The following DAB2 variants were observed in gnomAD, a reference collection of about 807,000 sequenced individuals.
The protein encoded by DAB2 is DAB adaptor protein 2, also known as disabled homolog 2.
DAB2 carries 28 observed loss-of-function variants against 71.6 expected under a neutral mutation model. The observed-to-expected ratio is 0.39, with a 90% CI of 0.29 to 0.54. The LOEUF is 0.54. DAB2 is among the 20% of genes least tolerant of loss of function. DAB2 has a pLI of 0.68. For missense variants in DAB2, 867 were observed against 928.8 expected (o/e 0.93, Z 0.86); for synonymous variants, 345 against 339.7 (o/e 1.02, Z -0.17).
intron 11 of DAB2, among the ~76,000 whole-genome samples, chr5:39,379,579 TTGAA>T (rs1754910619): frequency 6.6e-6 from 1 of 151,924 alleles, no homozygotes; most frequent in African/African-American, 2.4e-5. Context: ...ATTGAACACA[TTGAA>T]CACATTGACA....
chr5:39,381,683 G>T lies in DAB2; in HGVS notation c.1342-67C>A, dbSNP rs935268409. 4.4e-6 allele frequency: 7 copies of T among 1,578,258 alleles called. No homozygotes were observed. In the Admixed American group the frequency reaches 6.8e-5, roughly 15 times the overall value. On this transcript the variant is annotated intron_variant, in intron 10 of 14. Transcript: ENST00000320816. ...TAACAGTGAAATACAGCCTCATTTT[G>T]TCTCCTACCCTATACCCCAATTTGA...
At chr5:39,416,717 C>T (rs1434631576) in intron 1 of DAB2, among the ~76,000 whole-genome samples, 1 of 152,086 alleles carries the variant, frequency 6.6e-6, no homozygotes, top group African/African-American at 2.4e-5. Context: ...CCAGCCATTT[C>T]CTCACATTTG....
At chr5:39,393,818 T>C (rs62358412) in intron 2 of DAB2, among the ~76,000 whole-genome samples, 4,019 of 152,310 alleles carry the variant, frequency 0.026, 83 homozygotes, top group South Asian at 0.086. Flanking sequence ...ATGCCTAAGT[T>C]CTCTTGAAAA....
intron 1 of DAB2, among the ~76,000 whole-genome samples, chr5:39,414,028 T>G (rs906165900): frequency 6.6e-6 from 1 of 152,124 alleles, no homozygotes; most frequent in Non-Finnish European, 1.5e-5. Context: ...TAGGCAGAGT[T>G]GTTGGGGAAA....
chr5:39,397,736 A>C (rs552830959), intron 1 of DAB2, among the ~76,000 whole-genome samples: 1 of 152,344 alleles, frequency 6.6e-6, no homozygotes, highest in Admixed American at 6.5e-5. Flanking sequence ...TAAATGTGGC[A>C]GATTCAAGTG....
At chr5:39,392,616 G>C (rs1019393262) in intron 3 of DAB2, among the ~76,000 whole-genome samples, 153 bp from the exon 4 acceptor site, 4 of 152,142 alleles carry the variant, frequency 2.6e-5, no homozygotes, top group Admixed American at 1.3e-4. Flanking sequence ...ACAGCAAGAC[G>C]GCATAGAAGA....
At chr5:39,395,470 C>CG (rs1561373000) in intron 1 of DAB2, among the ~76,000 whole-genome samples, 1 of 152,122 alleles carries the variant, frequency 6.6e-6, no homozygotes, top group Non-Finnish European at 1.5e-5. Context: ...GAATAACTGT[C>CG]GTTTGTTAGA....
intron 1 of DAB2, among the ~76,000 whole-genome samples, chr5:39,424,601 A>C (rs1756062104): frequency 6.6e-6 from 1 of 150,926 alleles, no homozygotes; most frequent in African/African-American, 2.4e-5. Flanking sequence ...CATTCCGCGG[A>C]AGCATTCCTC....
chr5:39,399,929 C>T (rs974667005), intron 1 of DAB2, among the ~76,000 whole-genome samples: 4 of 152,132 alleles, frequency 2.6e-5, no homozygotes, highest in African/African-American at 9.7e-5. Flanking sequence ...TTGGCATCAG[C>T]AATGGTACTA....
intron 1 of DAB2, among the ~76,000 whole-genome samples, chr5:39,409,917 T>C (rs1366096765): frequency 2.0e-5 from 3 of 152,154 alleles, no homozygotes; most frequent in African/African-American, 4.8e-5. Context: ...GAATATATAT[T>C]AAATAGCTCA....
chr5:39,400,326 A>G (rs1334349954), intron 1 of DAB2, among the ~76,000 whole-genome samples: 4 of 151,302 alleles, frequency 2.6e-5, no homozygotes, highest in African/African-American at 9.7e-5. Context: ...TCTGCCTCCC[A>G]GGTTCAAGCC....
At position 39,376,770 on chromosome 5, in the gene DAB2, G is replaced by T; in HGVS notation, c.2017C>A (p.Gln673Lys). The change falls in exon 12 of 15, where the codon CAG (glutamine) becomes AAG (lysine). Residue 673 changes from glutamine to lysine, a missense_variant. Gln to Lys is a moderately conservative substitution (Grantham distance 53). Coordinates refer to ENST00000320816, the MANE Select transcript of DAB2 (RefSeq NM_001343.4). ...PPAVPARKGE[Q>K]TSSGTLSAFA... is the part of the protein sequence containing the mutation. ...GCACTCAAAGTCCCAGAAGAAGTCT[G>T]CTCTCCCTTCCGCGCGGGCACAGCA... 2 of 1,614,154 alleles carry T rather than the reference G, an allele frequency of 1.2e-6. No individual in the cohort carries two copies. The highest frequency in any genetic ancestry group is 1.7e-6 in the Non-Finnish European group (2 of 1,180,022).
chr5:39,386,225 T>C (rs879620403), intron 9 of DAB2, among the ~76,000 whole-genome samples: 1 of 152,196 alleles, frequency 6.6e-6, no homozygotes, highest in Non-Finnish European at 1.5e-5. Context: ...AAAAATTCTG[T>C]TCTAGGGGAT....
At chr5:39,411,850 G>GT (rs1219225657) in intron 1 of DAB2, among the ~76,000 whole-genome samples, 2 of 152,088 alleles carry the variant, frequency 1.3e-5, no homozygotes, top group African/African-American at 2.4e-5. Flanking sequence ...CAGTTGCAGT[G>GT]TTTTTTTAAC....
At chr5:39,377,809 T>C (rs966444756) in intron 11 of DAB2, among the ~76,000 whole-genome samples, 73 of 152,340 alleles carry the variant, frequency 4.8e-4, no homozygotes, top group African/African-American at 1.7e-3. Context: ...ATCACACATG[T>C]GCACAAGACC....
chr5:39,411,730 T>C (rs1755735678), intron 1 of DAB2, among the ~76,000 whole-genome samples: 2 of 152,192 alleles, frequency 1.3e-5, no homozygotes, highest in Admixed American at 1.3e-4. Context: ...AAAGACTCAA[T>C]ATTGCAGACA....
intron 1 of DAB2, chr5:39,417,559 A>T (rs1417462195): frequency 6.6e-6 from 1 of 151,688 alleles, no homozygotes. Flanking sequence ...ATCCATTAAC[A>T]CCAATGGCCT....
chr5:39,375,203 A>C (rs1426897538), intron 13 of DAB2, 119 bp from the exon 14 acceptor site: 2 of 694,450 alleles, frequency 2.9e-6, no homozygotes, highest in Non-Finnish European at 5.1e-6. Context: ...TCAGCCAATC[A>C]AACATTATAT....
chr5:39,397,682 T>C (rs6875298), intron 1 of DAB2, among the ~76,000 whole-genome samples: 1 of 152,210 alleles, frequency 6.6e-6, no homozygotes, highest in Non-Finnish European at 1.5e-5. Flanking sequence ...AAGGCTAATC[T>C]GTTTTGATTT....
Sources: gnomAD v4.1 joint callset for allele counts (sites outside exome capture counted in the v4.1 genomes callset) on GRCh38, gnomAD v4.1.1 for gene constraint, MANE v1.5 for transcripts, NCBI Gene and HGNC (gene_info 2026-07-23, HGNC 2026-07-21) for gene names.